ELAVL2: variants seen among roughly 807,000 people sequenced by gnomAD.
ELAVL2 encodes the protein ELAV like RNA binding protein 2.
ELAVL2 carries 4 observed loss-of-function variants against 34.6 expected under a neutral mutation model. The observed-to-expected ratio is 0.12, with a 90% CI of 0.06 to 0.26. ELAVL2 has a LOEUF of 0.26. Ranked by LOEUF, ELAVL2 falls within the 10% of genes least tolerant of loss-of-function variation. ELAVL2 has a pLI of 1.00. For missense variants in ELAVL2, 432 were observed against 442.8 expected, an observed-to-expected ratio of 0.98 and a Z score of 0.22; for synonymous variants, 193 against 154.8, an observed-to-expected ratio of 1.25 and a Z score of -1.83.
the ELAVL2 span, among the ~76,000 whole-genome samples, chr9:23,844,620 AT>A: frequency 8.6e-5 from 13 of 151,962 alleles, no homozygotes; most frequent in Non-Finnish European, 1.8e-4. Context: ...CCCATAGTTA[AT>A]TATTTTTACT....
chr9:23,812,778 G>A (rs981870155), intron 1 of ELAVL2, among the ~76,000 whole-genome samples: 2 of 151,380 alleles, frequency 1.3e-5, no homozygotes, highest in African/African-American at 4.8e-5. Flanking sequence ...TGGCTGGGTT[G>A]TAGAGTAAGC....
chr9:23,699,109 T>TGGTA lies in ELAVL2; in HGVS notation c.713+2266_713+2269dup, dbSNP rs895773211. The stretch of plus-strand genomic sequence containing the variant: ...GAATTTTCAAGTTAATGATAACATA[T>TGGTA]GGTACTAAAAGATAAAAACACAGAA... On this transcript the variant is annotated intron_variant, in intron 5 of 6. Transcript: ENST00000397312. 2.8e-4 allele frequency among the ~76,000 whole-genome samples: 43 copies of TGGTA among 152,328 alleles called. 1 individual carries two copies. Among genetic ancestry groups the TGGTA allele is most frequent in the Admixed American group, 2.4e-3 (36 of 15,294 alleles).
At chr9:23,720,053 C>T (rs1001161143) in intron 3 of ELAVL2, among the ~76,000 whole-genome samples, 11 of 152,010 alleles carry the variant, frequency 7.2e-5, no homozygotes, top group African/African-American at 1.9e-4. Context: ...TCTCAAACTC[C>T]GGACCTCAGG....
Position 23,690,453 on chromosome 9 carries a change from T to C in ELAVL2, c.*2104A>G, listed in dbSNP as rs573890959. On this transcript the variant is annotated 3_prime_UTR_variant, in exon 7 of 7. Coordinates refer to ENST00000397312, the MANE Select transcript of ELAVL2 (RefSeq NM_004432.5). ...TGTATTTTATTTTTTAGTGTTTTTC[T>C]TTTTTTAAACGCAGAAGGTTAACTC... 2.6e-5 allele frequency: 4 copies of C among 152,538 alleles called. No homozygotes were observed. Among genetic ancestry groups the C allele is most frequent in the Non-Finnish European group, 5.9e-5 (4 of 67,996 alleles). 9.4% of individuals were successfully genotyped at this position (152,538 alleles called of 1,614,324 possible).
At chr9:23,749,113 G>T (rs78158473) in intron 2 of ELAVL2, among the ~76,000 whole-genome samples, 1,626 of 152,174 alleles carry the variant, frequency 0.011, 21 homozygotes, top group South Asian at 0.033. Flanking sequence ...CTGTAAACTT[G>T]AAAAGGTTCA....
intron 1 of ELAVL2, among the ~76,000 whole-genome samples, chr9:23,778,638 G>A (rs2058601543): frequency 6.6e-6 from 1 of 152,122 alleles, no homozygotes; most frequent in Non-Finnish European, 1.5e-5. Context: ...ATGTGCTAAA[G>A]AGTATATGCT....
At chr9:23,749,901 C>A (rs568034907) in intron 2 of ELAVL2, among the ~76,000 whole-genome samples, 1 of 151,838 alleles carries the variant, frequency 6.6e-6, no homozygotes, top group South Asian at 2.1e-4. Context: ...CCTTTGGTGC[C>A]TACTAACAAC....
intron 4 of ELAVL2, among the ~76,000 whole-genome samples, chr9:23,702,214 G>A (rs533539487): frequency 1.3e-5 from 2 of 152,262 alleles, no homozygotes; most frequent in African/African-American, 4.8e-5. Flanking sequence ...GCTCTCTTGT[G>A]CTTCTGACTA....
chr9:23,801,166 C>G (rs955773496), intron 1 of ELAVL2, among the ~76,000 whole-genome samples: 1 of 152,088 alleles, frequency 6.6e-6, no homozygotes, highest in Admixed American at 6.6e-5. Context: ...TAGGTACACG[C>G]ACCCAGGAAT....
intron 1 of ELAVL2, among the ~76,000 whole-genome samples, chr9:23,774,947 T>C (rs2136463015): frequency 6.6e-6 from 1 of 152,340 alleles, no homozygotes; most frequent in African/African-American, 2.4e-5. Context: ...ATGATCCATG[T>C]ATCTACATTC....
At chr9:23,747,869 C>T (rs1310326376) in intron 2 of ELAVL2, among the ~76,000 whole-genome samples, 1 of 152,066 alleles carries the variant, frequency 6.6e-6, no homozygotes, top group East Asian at 1.9e-4. Context: ...ATGCATTTGG[C>T]TGATGCCAAC....
chr9:23,779,149 CTG>C, intron 1 of ELAVL2: 1 of 973,634 alleles, frequency 1.0e-6, no homozygotes, highest in Non-Finnish European at 1.2e-6. Context: ...GCTCTAAAAA[CTG>C]TCTCATGACA....
At chr9:23,762,741 T>A (rs569674246) in intron 1 of ELAVL2, among the ~76,000 whole-genome samples, 17 of 152,250 alleles carry the variant, frequency 1.1e-4, no homozygotes, top group Non-Finnish European at 2.5e-4. Context: ...AACTTAAAAA[T>A]CAAAGAGCAA....
chr9:23,781,122 C>G (rs534742381), intron 1 of ELAVL2, among the ~76,000 whole-genome samples: 6 of 152,202 alleles, frequency 3.9e-5, no homozygotes, highest in South Asian at 4.2e-4. Context: ...TGCTAGCGAA[C>G]AGGGTTATTA....
At chr9:23,701,656 G>C (rs1167225135) in intron 4 of ELAVL2, 52 bp from the exon 5 acceptor site, 2 of 1,566,730 alleles carry the variant, frequency 1.3e-6, no homozygotes, top group Admixed American at 3.5e-5. Flanking sequence ...AAGGAGAAGG[G>C]AAGGAGAGAA....
At chr9:23,740,102 A>G (rs79235362) in intron 2 of ELAVL2, among the ~76,000 whole-genome samples, 1 of 144,790 alleles carries the variant, frequency 6.9e-6, no homozygotes, top group African/African-American at 2.5e-5. Flanking sequence ...CTCTCACCCA[A>G]AAGTTAAAGG....
At chr9:23,824,126 T>A (rs1384345924) in intron 1 of ELAVL2, among the ~76,000 whole-genome samples, 1 of 152,096 alleles carries the variant, frequency 6.6e-6, no homozygotes, top group African/African-American at 2.4e-5. Flanking sequence ...ACCCTCGCCA[T>A]AATAAAACCA....
chr9:23,776,017 T>C (rs892097517), intron 1 of ELAVL2, among the ~76,000 whole-genome samples: 2 of 152,196 alleles, frequency 1.3e-5, no homozygotes, highest in Non-Finnish European at 2.9e-5. Flanking sequence ...CCATGAATTG[T>C]GATTCAAGGT....
At position 23,701,464 on chromosome 9, in the gene ELAVL2, T is replaced by G. The variant is rs2037181083; in HGVS notation, c.628A>C (p.Thr210Pro). 2 of 1,613,942 alleles carry G rather than the reference T, an allele frequency of 1.2e-6. No homozygotes were observed. The highest frequency in any genetic ancestry group is 1.7e-5 in the Admixed American group (1 of 60,002). ...VKFANNPSQK[T>P]NQAILSQLYQ... ...AGCTGGGAAAGGATGGCCTGATTGG[T>G]TTTTTGGCTTGGGTTATTAGCAAAC... is the stretch of plus-strand genomic sequence containing the variant. Residue 210 changes from threonine (T) to proline (P), a missense_variant, in exon 5 of 7, where the codon ACC becomes CCC. Transcript: ENST00000397312.
Sources: gnomAD v4.1 joint callset for allele counts (sites outside exome capture counted in the v4.1 genomes callset) on GRCh38, gnomAD v4.1.1 for gene constraint, MANE v1.5 for transcripts, NCBI Gene and HGNC (gene_info 2026-07-23, HGNC 2026-07-21) for gene names.